CAMKMT: variants seen among roughly 807,000 people sequenced by gnomAD.
CAMKMT encodes calmodulin-lysine N-methyltransferase.
In CAMKMT, 53 loss-of-function variants were observed where a neutral mutation model predicts 48.0. The observed-to-expected ratio is 1.10, with a 90% CI of 0.89 to 1.39. The LOEUF is 1.39. CAMKMT is among the 40% of genes most tolerant of loss of function. CAMKMT has a pLI of 0.00. For synonymous variants in CAMKMT, 165 were observed against 152.3 expected, an observed-to-expected ratio of 1.08 and a Z score of -0.61; for missense variants, 428 against 402.7, an observed-to-expected ratio of 1.06 and a Z score of -0.54.
At chr2:44,759,867 T>C (rs1426434360) in intron 9 of CAMKMT, among the ~76,000 whole-genome samples, 1 of 152,214 alleles carries the variant, frequency 6.6e-6, no homozygotes, top group Non-Finnish European at 1.5e-5. Context: ...TGTGGAGATA[T>C]AACATACACA....
rs556848215 is a variant in CAMKMT at position 44,728,177 on chromosome 2, C to T, written c.623+12824C>T. 7.9e-5 allele frequency among the ~76,000 whole-genome samples: 12 copies of T among 152,236 alleles called. No individual in the cohort carries two copies. In the South Asian group the frequency reaches 1.7e-3, roughly 21 times the overall value. On this transcript the variant is annotated intron_variant, in intron 7 of 10. Transcript: ENST00000378494. The stretch of plus-strand genomic sequence containing the variant: ...ATGGACTCAAGAAATCCTCCTGCCT[C>T]GGCCTCCCAAAGTGCTGGGATTACA...
At chr2:44,676,019 G>A (rs1180791833) in intron 3 of CAMKMT, among the ~76,000 whole-genome samples, 1 of 152,096 alleles carries the variant, frequency 6.6e-6, no homozygotes, top group Non-Finnish European at 1.5e-5. Context: ...TCGTTTTTAA[G>A]GCCAAATAAT....
chr2:44,666,224 T>A (rs1484159576), intron 3 of CAMKMT, among the ~76,000 whole-genome samples: 2 of 152,240 alleles, frequency 1.3e-5, no homozygotes, highest in African/African-American at 4.8e-5. Context: ...AATAGGCAGA[T>A]GGAAAGTAGT....
intron 3 of CAMKMT, among the ~76,000 whole-genome samples, chr2:44,462,622 A>C (rs961437246): frequency 2.0e-5 from 3 of 152,128 alleles, no homozygotes; most frequent in African/African-American, 7.2e-5. Flanking sequence ...TGCTGGGTCA[A>C]AGGTTTTATT....
chr2:44,375,254 A>C, intron 2 of CAMKMT, among the ~76,000 whole-genome samples: 1 of 151,328 alleles, frequency 6.6e-6, no homozygotes, highest in African/African-American at 2.4e-5. Flanking sequence ...GAAGTGGAGT[A>C]CTCTCATCTT....
At chr2:44,432,079 C>G (rs1048553756) in intron 3 of CAMKMT, among the ~76,000 whole-genome samples, 1 of 152,134 alleles carries the variant, frequency 6.6e-6, no homozygotes, top group Non-Finnish European at 1.5e-5. Context: ...AACTTCTTGG[C>G]TGGTTTAGTC....
chr2:44,747,201 A>G (rs1008661190), intron 8 of CAMKMT, among the ~76,000 whole-genome samples: 1 of 152,152 alleles, frequency 6.6e-6, no homozygotes, highest in Non-Finnish European at 1.5e-5. Flanking sequence ...TGCACTTGCT[A>G]TATACTCTAA....
chr2:44,549,589 G>A (rs1466165075), intron 3 of CAMKMT: 3 of 688,880 alleles, frequency 4.4e-6, no homozygotes, highest in East Asian at 5.4e-5. Flanking sequence ...AGGCTGGAGT[G>A]CAGTGGTGAT....
intron 3 of CAMKMT, among the ~76,000 whole-genome samples, chr2:44,542,815 C>T (rs773828284): frequency 2.9e-4 from 44 of 152,158 alleles, no homozygotes; most frequent in Middle Eastern, 3.4e-3. Context: ...GATAAAAGAT[C>T]ATCCCAGAAT....
chr2:44,513,668 C>G (rs1267142994), intron 3 of CAMKMT, among the ~76,000 whole-genome samples: 1 of 152,286 alleles, frequency 6.6e-6, no homozygotes, highest in South Asian at 2.1e-4. Flanking sequence ...ACTTCTCTTT[C>G]CCTTCTTGGG....
chr2:44,677,466 A>T (rs1675773131), intron 3 of CAMKMT, among the ~76,000 whole-genome samples: 1 of 152,198 alleles, frequency 6.6e-6, no homozygotes, highest in Non-Finnish European at 1.5e-5. Flanking sequence ...TACTCAGGAG[A>T]GCTGTCCAGA....
At chr2:44,399,851 G>GTT (rs1337010374) in intron 3 of CAMKMT, among the ~76,000 whole-genome samples, 2 of 152,106 alleles carry the variant, frequency 1.3e-5, no homozygotes, top group Non-Finnish European at 2.9e-5. Context: ...GTACAGCCTC[G>GTT]TTTGCCTCCA....
intron 3 of CAMKMT, among the ~76,000 whole-genome samples, chr2:44,594,388 A>G (rs894514218): frequency 6.6e-6 from 1 of 152,248 alleles, no homozygotes; most frequent in African/African-American, 2.4e-5. Flanking sequence ...AGCTGGAAGC[A>G]TCACGCTACC....
intron 3 of CAMKMT, among the ~76,000 whole-genome samples, chr2:44,564,896 A>T (rs1668528679): frequency 6.6e-6 from 1 of 152,202 alleles, no homozygotes; most frequent in African/African-American, 2.4e-5. Flanking sequence ...ACATATATGC[A>T]GGTATCCACT....
At chr2:44,519,905 A>C (rs1223165) in intron 3 of CAMKMT, among the ~76,000 whole-genome samples, 97,440 of 151,812 alleles carry the variant, frequency 0.64, 31,920 homozygotes, top group Middle Eastern at 0.69. Context: ...TCATTTCCAG[A>C]TAGTTTTTAA....
chr2:44,594,273 G>A (rs910942877), intron 3 of CAMKMT, among the ~76,000 whole-genome samples: 1 of 152,104 alleles, frequency 6.6e-6, no homozygotes, highest in Non-Finnish European at 1.5e-5. Context: ...TCCCCATCAA[G>A]CTACCATTGA....
intron 3 of CAMKMT, among the ~76,000 whole-genome samples, chr2:44,410,534 G>T (rs565459251): frequency 6.6e-6 from 1 of 151,978 alleles, no homozygotes; most frequent in East Asian, 1.9e-4. Context: ...AATGTAAAAT[G>T]TGGGAGATCT....
At chr2:44,518,437 T>G (rs1021515421) in intron 3 of CAMKMT, among the ~76,000 whole-genome samples, 1 of 152,218 alleles carries the variant, frequency 6.6e-6, no homozygotes. Flanking sequence ...AGGTCACTTC[T>G]AAAACAGCTG....
At position 44,484,923 on chromosome 2, in the gene CAMKMT, A is replaced by G. The variant is rs377668109; in HGVS notation, c.376+94618A>G. Among the ~76,000 whole-genome samples, 3 of 152,254 alleles carry G rather than the reference A, an allele frequency of 2.0e-5. No individual in the cohort carries two copies. In the South Asian group the frequency reaches 6.2e-4, roughly 32 times the overall value. Reference sequence around the variant, plus strand: ...ACAAATGTGAAAAACATGAACAGGCACTTCACGAACAGTATATCCAAATGG... The same window carrying G: ...ACAAATGTGAAAAACATGAACAGGCGCTTCACGAACAGTATATCCAAATGG... On this transcript the variant is annotated intron_variant, in intron 3 of 10. Coordinates refer to ENST00000378494, the MANE Select transcript of CAMKMT (RefSeq NM_024766.5).
Sources: allele counts gnomAD v4.1 joint callset (sites outside exome capture counted in the v4.1 genomes callset), GRCh38; gene constraint gnomAD v4.1.1; transcripts MANE v1.5; gene names NCBI Gene and HGNC (gene_info 2026-07-23, HGNC 2026-07-21).